UGGT2: variants seen among roughly 807,000 people sequenced by gnomAD.
UGGT2 encodes the protein UDP-glucose glycoprotein glucosyltransferase 2, also known as UDP-glucose:glycoprotein glucosyltransferase 2.
In UGGT2, 180 loss-of-function variants were observed where a neutral mutation model predicts 192.1. That is an observed-to-expected ratio of 0.94 (90% CI 0.83 to 1.06). The LOEUF (loss-of-function observed/expected upper bound fraction) is 1.06. Among genes scored for constraint, UGGT2 ranks in the 50% least tolerant of loss-of-function variants. The pLI is 0.00. For missense variants in UGGT2, 1,849 were observed against 1,795.7 expected (o/e 1.03, Z -0.54); for synonymous variants, 580 against 591.0 (o/e 0.98, Z 0.27).
chr13:95,963,301 C>T (rs1160213636), intron 12 of UGGT2, among the ~76,000 whole-genome samples: 1 of 151,800 alleles, frequency 6.6e-6, no homozygotes, highest in African/African-American at 2.4e-5. Flanking sequence ...AAAAAAAAAC[C>T]ATATCCTCTT....
At chr13:95,993,292 C>T (rs1475530764) in intron 7 of UGGT2, among the ~76,000 whole-genome samples, 1 of 152,092 alleles carries the variant, frequency 6.6e-6, no homozygotes, top group East Asian at 1.9e-4. Context: ...GTACTATGCT[C>T]ACTACCTGGG....
chr13:95,818,733 G>T (rs906325370), intron 38 of UGGT2, among the ~76,000 whole-genome samples: 3 of 152,170 alleles, frequency 2.0e-5, no homozygotes, highest in African/African-American at 7.2e-5. Flanking sequence ...TCAAGGCTCA[G>T]GCTGTGGGTA....
chr13:95,827,869 C>T (rs1001390964), intron 38 of UGGT2, among the ~76,000 whole-genome samples: 24 of 152,092 alleles, frequency 1.6e-4, no homozygotes, highest in African/African-American at 5.1e-4. Context: ...CTAAGCAGAT[C>T]GTGAGTTCCA....
chr13:96,007,049 C>T (rs558367195), intron 5 of UGGT2, among the ~76,000 whole-genome samples: 3 of 152,254 alleles, frequency 2.0e-5, no homozygotes, highest in East Asian at 1.9e-4. Flanking sequence ...TCCTCAACAA[C>T]ATATTAGCAA....
Position 95,900,906 on chromosome 13 carries a change from A to G in UGGT2, c.2535T>C (p.Tyr845=). Residue 845 remains tyrosine, a synonymous_variant, in exon 22 of 39, where the codon TAT becomes TAC. Coordinates refer to ENST00000376747, the MANE Select transcript of UGGT2 (RefSeq NM_020121.4). ...GAAAAATATTCACTCCAACAGTATT[A>G]TATTTTTTCTCAAAAGCATTCTTAT... ...GMDKNAFEKK[Y]NTVGVNIFRT... is the part of the protein sequence containing the mutation. 2 of 1,602,506 alleles carry G rather than the reference A, an allele frequency of 1.2e-6. No homozygotes were observed. Among genetic ancestry groups the G allele is most frequent in the East Asian group, 2.3e-5 (1 of 44,432 alleles).
intron 1 of UGGT2, 27 bp downstream of exon 1, chr13:96,053,128 C>T (rs2053536586): frequency 6.8e-7 from 1 of 1,464,064 alleles, no homozygotes; most frequent in African/African-American, 1.5e-5. Flanking sequence ...CCACACCCGC[C>T]CGGACGAGGG....
chr13:95,950,847 G>C (rs560679835), intron 12 of UGGT2, among the ~76,000 whole-genome samples: 248 of 152,122 alleles, frequency 1.6e-3, no homozygotes, highest in African/African-American at 5.7e-3. Flanking sequence ...ATTAGTAAAC[G>C]TGACAACAGA....
intron 12 of UGGT2, among the ~76,000 whole-genome samples, chr13:95,957,613 G>A (rs2050249947): frequency 6.6e-6 from 1 of 152,178 alleles, no homozygotes; most frequent in South Asian, 2.1e-4. Context: ...GGGGACAATG[G>A]GAGCAGCATA....
rs1225091843 is a variant in UGGT2, at chr13:95,902,867, G to T, written c.2489C>A (p.Thr830Lys). The T allele has an allele frequency of 6.2e-7, 1 of 1,612,758 alleles. No individual in the cohort carries two copies. Residue 830 changes from threonine to lysine, a missense_variant, in exon 21 of 39, where the codon ACA becomes AAA. Thr to Lys is a moderately conservative substitution (Grantham distance 78). Transcript: ENST00000376747. ...ATAGCTACTGACCTCAATAAGGAAT[G>T]TTTTAATTTTATCTCCAGAGTAAAT... ...TAIYSGDKIK[T>K]FLIEGMDKNA...
At chr13:95,925,900 TA>T (rs1247041098) in intron 19 of UGGT2, 126 bp from the exon 20 acceptor site, 1 of 548,504 alleles carries the variant, frequency 1.8e-6, no homozygotes, top group African/African-American at 1.9e-5. Flanking sequence ...CAAAGATTTT[TA>T]AAATGTTATG....
intron 15 of UGGT2, among the ~76,000 whole-genome samples, chr13:95,945,797 T>C (rs2049846344): frequency 6.6e-6 from 1 of 152,168 alleles, no homozygotes. Flanking sequence ...GCATATTCCA[T>C]GGCACTATTT....
chr13:95,955,799 T>C (rs2050196301), intron 12 of UGGT2, among the ~76,000 whole-genome samples: 1 of 152,192 alleles, frequency 6.6e-6, no homozygotes, highest in Non-Finnish European at 1.5e-5. Context: ...TAAGATAAAG[T>C]CTATAAAGTG....
intron 36 of UGGT2, among the ~76,000 whole-genome samples, chr13:95,840,350 A>G (rs1161998288): frequency 6.6e-6 from 1 of 151,962 alleles, no homozygotes; most frequent in Non-Finnish European, 1.5e-5. Context: ...AATTTACAAG[A>G]AAAAAAACAA....
At chr13:95,863,768 T>C in intron 30 of UGGT2, 54 bp from the exon 31 acceptor site, 4 of 1,410,916 alleles carry the variant, frequency 2.8e-6, no homozygotes, top group Non-Finnish European at 1.0e-6. Flanking sequence ...TATTGTGCTG[T>C]ATGGTTAGAA....
At chr13:95,905,788 T>C (rs1353535929) in intron 20 of UGGT2, among the ~76,000 whole-genome samples, 1 of 152,212 alleles carries the variant, frequency 6.6e-6, no homozygotes, top group Admixed American at 6.5e-5. Context: ...GGGCTCTTTT[T>C]TGGTTCCATA....
At chr13:96,016,963 C>T (rs1297964097) in intron 4 of UGGT2, among the ~76,000 whole-genome samples, 2 of 152,272 alleles carry the variant, frequency 1.3e-5, no homozygotes, top group South Asian at 4.1e-4. Context: ...ATGTACATCA[C>T]GATGTGGGAC....
intron 38 of UGGT2, among the ~76,000 whole-genome samples, chr13:95,820,981 T>C (rs996567511): frequency 5.9e-5 from 9 of 152,320 alleles, no homozygotes; most frequent in South Asian, 4.1e-4. Flanking sequence ...TACCATGTTT[T>C]CTTTATCTAC....
intron 27 of UGGT2, among the ~76,000 whole-genome samples, chr13:95,883,488 C>T (rs2047552696): frequency 6.6e-6 from 1 of 151,980 alleles, no homozygotes; most frequent in African/African-American, 2.4e-5. Context: ...AATTGTAATC[C>T]CCACGTCAGG....
chr13:95,830,884 T>A (rs1886601935), intron 38 of UGGT2, among the ~76,000 whole-genome samples: 1 of 152,026 alleles, frequency 6.6e-6, no homozygotes, highest in Non-Finnish European at 1.5e-5. Flanking sequence ...AACCCAAATG[T>A]CCAAAAATGA....
Sources: gnomAD v4.1 joint callset for allele counts (sites outside exome capture counted in the v4.1 genomes callset) on GRCh38, gnomAD v4.1.1 for gene constraint, MANE v1.5 for transcripts, NCBI Gene and HGNC (gene_info 2026-07-23, HGNC 2026-07-21) for gene names.